The following ETV5 variants were observed in gnomAD, a reference collection of about 807,000 sequenced individuals.
ETV5 encodes the protein ETS variant transcription factor 5.
ETV5 carries 10 observed loss-of-function variants against 70.0 expected under a neutral mutation model. The observed-to-expected ratio is 0.14, with a 90% CI of 0.09 to 0.24. ETV5 has a LOEUF of 0.24. Among genes scored for constraint, ETV5 ranks in the 10% least tolerant of loss-of-function variants. The probability of loss-of-function intolerance (pLI) is 1.00; values close to 1 mark genes in which losing one functional copy is unlikely to be tolerated. For missense variants in ETV5, 453 were observed against 651.2 expected (o/e 0.70, Z 3.31); for synonymous variants, 216 against 242.2 (o/e 0.89, Z 1.01).
At chr3:186,102,636 C>CAAA (rs35154225) in intron 5 of ETV5, among the ~76,000 whole-genome samples, 1 of 91,834 alleles carries the variant, frequency 1.1e-5, no homozygotes, top group African/African-American at 4.2e-5. Context: ...ACTCTCTCTC[C>CAAA]AAAAAAAAAA....
At chr3:186,056,949 C>G in intron 11 of ETV5, 126 bp downstream of exon 11, 1 of 1,112,596 alleles carries the variant, frequency 9.0e-7, no homozygotes, top group East Asian at 2.6e-5. Flanking sequence ...GCCCACTGGC[C>G]AGGCCAGAAT....
rs1713049843 is a variant in ETV5 at position 186,052,234 on chromosome 3, C to CA, written c.1210-104dup. 5.9e-6 allele frequency: 6 copies of CA among 1,012,614 alleles called. No homozygotes were observed. In the East Asian group the frequency reaches 1.5e-4, roughly 25 times the overall value. 62.7% of individuals were successfully genotyped at this position (1,012,614 alleles called of 1,614,324 possible). ...AGTTCTGTAACCTGACTGCTTTGGT[C>CA]AATGATCTGCTACTCTGACCTGGAA... On this transcript the variant is annotated intron_variant, in intron 11 of 12. Transcript: ENST00000306376. This position sits in a 1 kb window ranked among gnomAD's most constrained non-coding sequence, Gnocchi z 4.5.
rs1032360075 is a variant in ETV5 at position 186,046,606 on chromosome 3, G to C, written c.*2033C>G. On this transcript the variant is annotated 3_prime_UTR_variant, in exon 13 of 13. Transcript: ENST00000306376. ...AGCACAGGTCACGTAAGTTACAGCA[G>C]GGGAGGGGTAGCTCAAGCTACAGAG... 4 of 230,870 alleles carry C rather than the reference G, an allele frequency of 1.7e-5. No individual in the cohort carries two copies. Among genetic ancestry groups the C allele is most frequent in the Middle Eastern group, 1.3e-3 (1 of 798 alleles). 14.3% of individuals were successfully genotyped at this position (230,870 alleles called of 1,614,324 possible).
At chr3:186,094,047 GTCA>G (rs1402773641) in intron 5 of ETV5, among the ~76,000 whole-genome samples, 2 of 152,234 alleles carry the variant, frequency 1.3e-5, no homozygotes, top group African/African-American at 4.8e-5. Flanking sequence ...CATGCCTTTG[GTCA>G]TCAACTAGGA....
intron 8 of ETV5, chr3:186,064,686 C>G (rs1713397602): frequency 1.8e-6 from 1 of 554,684 alleles, no homozygotes; most frequent in Non-Finnish European, 3.2e-6. Context: ...CTCTCCTAAT[C>G]AAGAGTCACG....
rs1266748607 is a variant in ETV5, at chr3:186,105,265, A to C, written c.232+40T>G. The C allele has an allele frequency of 1.3e-6, 2 of 1,584,532 alleles. No homozygotes were observed. Among genetic ancestry groups the C allele is most frequent in the Admixed American group, 3.5e-5 (2 of 57,376 alleles). The stretch of plus-strand genomic sequence containing the variant: ...AGACATGGATGATCTAAGACCAAAC[A>C]ATTTCAGAACAAATGTGCCATCACC... On this transcript the variant is annotated intron_variant, in intron 5 of 12. Coordinates refer to ENST00000306376, the MANE Select transcript of ETV5 (RefSeq NM_004454.3). This position sits in a 1 kb window ranked among gnomAD's most constrained non-coding sequence, Gnocchi z 4.5.
At chr3:186,064,724 A>G (rs1359813249) in intron 8 of ETV5, among the ~76,000 whole-genome samples, 2 of 152,224 alleles carry the variant, frequency 1.3e-5, no homozygotes, top group East Asian at 1.9e-4. Context: ...TTTCACTCTC[A>G]TTGTTCACTT....
chr3:186,108,357 G>A lies in ETV5; in HGVS notation c.-75+583C>T, dbSNP rs1578566878. 1.2e-4 allele frequency: 64 copies of A among 536,174 alleles called. 1 individual carries two copies. The highest frequency in any genetic ancestry group is 9.4e-4 in the South Asian group (62 of 66,202). 33.2% of individuals were successfully genotyped at this position (536,174 alleles called of 1,614,324 possible). On this transcript the variant is annotated intron_variant, in intron 1 of 12. Coordinates refer to ENST00000306376, the MANE Select transcript of ETV5 (RefSeq NM_004454.3). ...ACAGCCGGACGCCCTCAGCCTGCTGGGTGGGAGCAGGGCGACTGGATGTCC... is the reference window on the plus strand; with the variant it reads ...ACAGCCGGACGCCCTCAGCCTGCTGAGTGGGAGCAGGGCGACTGGATGTCC...
Position 186,056,957 on chromosome 3 carries a change from A to G in ETV5, c.1209+118T>C, listed in dbSNP as rs1002450150. On this transcript the variant is annotated intron_variant, in intron 11 of 12. Coordinates refer to ENST00000306376, the MANE Select transcript of ETV5 (RefSeq NM_004454.3). ...CAGCCAAGCCCACTGGCCAGGCCAG[A>G]ATATGAATGAGAAGCAAGAGCAGAC... 4 of 1,213,102 alleles carry G rather than the reference A, an allele frequency of 3.3e-6. No homozygotes were observed. The African/African-American group carries it at 4.6e-5, about 14-fold the overall frequency. The allele number at this position is 1,213,102 out of a possible 1,614,324, so 75.1% of individuals were successfully genotyped here.
At chr3:186,097,156 A>T (rs1714324905) in intron 5 of ETV5, among the ~76,000 whole-genome samples, 1 of 152,040 alleles carries the variant, frequency 6.6e-6, no homozygotes, top group Non-Finnish European at 1.5e-5. Flanking sequence ...ACTTCCAAGG[A>T]TGTTCATTTT....
At chr3:186,078,432 G>A (rs918526742) in intron 7 of ETV5, among the ~76,000 whole-genome samples, 2 of 151,932 alleles carry the variant, frequency 1.3e-5, no homozygotes, top group African/African-American at 4.8e-5. Flanking sequence ...TGATATCTAG[G>A]CCAGAGTTCA....
At chr3:186,059,555 A>G (rs1007986722) in intron 9 of ETV5, among the ~76,000 whole-genome samples, 4 of 152,366 alleles carry the variant, frequency 2.6e-5, no homozygotes, top group South Asian at 4.1e-4. Context: ...TGGTGTTGTT[A>G]TAAGAGTTTA....
chr3:186,080,890 C>A, intron 6 of ETV5, 156 bp downstream of exon 6: 1 of 826,788 alleles, frequency 1.2e-6, no homozygotes, highest in Non-Finnish European at 1.8e-6. Context: ...CCCAAGGGGA[C>A]TGGACTACAC....
intron 7 of ETV5, among the ~76,000 whole-genome samples, chr3:186,066,515 A>C (rs972189835): frequency 2.6e-5 from 4 of 152,162 alleles, no homozygotes; most frequent in African/African-American, 9.7e-5. Flanking sequence ...AGTTAAAAAG[A>C]AAAAAGAGAG....
At chr3:186,064,504 T>C (rs761313832) in intron 8 of ETV5, 28 bp from the exon 9 acceptor site, 1 of 1,611,230 alleles carries the variant, frequency 6.2e-7, no homozygotes, top group African/African-American at 1.3e-5. Context: ...GTGGACACAA[T>C]CCTGTCAATA....
chr3:186,084,328 ATCT>A (rs1714004352), intron 5 of ETV5: 2 of 387,906 alleles, frequency 5.2e-6, no homozygotes, highest in African/African-American at 4.3e-5. Context: ...GCTAATAAAC[ATCT>A]TCTGCAATTA....
chr3:186,066,152 T>C (rs1472365288), intron 7 of ETV5, 80 bp from the exon 8 acceptor site: 1 of 1,304,998 alleles, frequency 7.7e-7, no homozygotes, highest in Non-Finnish European at 1.0e-6. Flanking sequence ...GACTAGAAGT[T>C]CCAATTAATG....
chr3:186,106,091 C>A, intron 1 of ETV5, 149 bp from the exon 2 acceptor site: 1 of 597,808 alleles, frequency 1.7e-6, no homozygotes, highest in Non-Finnish European at 3.0e-6. Context: ...CTTTACACAC[C>A]AATGCCGGGC....
At chr3:186,080,853 G>GTT in intron 6 of ETV5, 193 bp downstream of exon 6, 1 of 525,942 alleles carries the variant, frequency 1.9e-6, no homozygotes, top group South Asian at 3.1e-5. Flanking sequence ...GTTTTTAATG[G>GTT]TTTTCTTTTG....
Sources: gnomAD v4.1 joint callset for allele counts (sites outside exome capture counted in the v4.1 genomes callset) on GRCh38, gnomAD v4.1.1 for gene constraint, Gnocchi (gnomAD v3.1) non-coding constraint, MANE v1.5 for transcripts, NCBI Gene and HGNC (gene_info 2026-07-23, HGNC 2026-07-21) for gene names.